PDZD2: variants seen among roughly 807,000 people sequenced by gnomAD.
PDZD2 encodes the protein PDZ domain containing 2.
Under a neutral mutation model 220.7 loss-of-function variants are expected in PDZD2, and 90 were observed. The observed-to-expected ratio is 0.41, with a 90% CI of 0.34 to 0.49. The LOEUF (loss-of-function observed/expected upper bound fraction) is 0.49, where lower values mean the gene tolerates loss of function less well. Among genes scored for constraint, PDZD2 ranks in the 20% least tolerant of loss-of-function variants. PDZD2 has a pLI of 0.28. For missense variants in PDZD2, 3,174 were observed against 3,608.5 expected (o/e 0.88, Z 3.08); for synonymous variants, 1,375 against 1,450.5 (o/e 0.95, Z 1.18).
chr5:31,722,179 A>G (rs138674929), intron 1 of PDZD2, among the ~76,000 whole-genome samples: 5 of 152,306 alleles, frequency 3.3e-5, no homozygotes, highest in East Asian at 1.9e-4. Flanking sequence ...TCTCTTTTGC[A>G]TAAAACTTTC....
In PDZD2 at chr5:32,098,354, C is replaced by T. The variant is rs558169091; in HGVS notation, c.7948-10C>T. 2 of 1,611,722 alleles carry T rather than the reference C, an allele frequency of 1.2e-6. No individual in the cohort carries two copies. Among genetic ancestry groups the T allele is most frequent in the Non-Finnish European group, 1.7e-6 (2 of 1,178,794 alleles). On this transcript the variant is annotated splice_polypyrimidine_tract_variant and intron_variant, in intron 22 of 24. Transcript: ENST00000438447. The surrounding 1 kb of genome is among the most constrained non-coding windows in gnomAD (Gnocchi z 4.1). ...CTGGTTTTTGTTCCCTTTTCCTTTC[C>T]TCATCCCAGGTCCACAGGGTGTTTT... is the stretch of plus-strand genomic sequence containing the variant.
rs548096070 is a variant in PDZD2 at position 31,977,082 on chromosome 5, G to A, written c.477-6073G>A. The stretch of plus-strand genomic sequence containing the variant: ...CATGTTGCCCAGGCTGGTCTTGAAC[G>A]CCTGGGCTCAAGCGACCCTCCTACC... On this transcript the variant is annotated intron_variant, in intron 2 of 24. Coordinates refer to ENST00000438447, the MANE Select transcript of PDZD2 (RefSeq NM_178140.4). 1.3e-3 allele frequency among the ~76,000 whole-genome samples: 198 copies of A among 150,928 alleles called. 3 individuals carry two copies. Among genetic ancestry groups the A allele is most frequent in the South Asian group, 0.011 (51 of 4,762 alleles).
chr5:31,919,210 T>C (rs752563122), intron 2 of PDZD2, among the ~76,000 whole-genome samples: 2 of 152,224 alleles, frequency 1.3e-5, no homozygotes, highest in Non-Finnish European at 2.9e-5. Flanking sequence ...CACTGTCTCT[T>C]GATTTTAGCA....
At position 31,955,018 on chromosome 5, in the gene PDZD2, T is replaced by C. The variant is rs574662880; in HGVS notation, c.477-28137T>C. On this transcript the variant is annotated intron_variant, in intron 2 of 24. Coordinates refer to ENST00000438447, the MANE Select transcript of PDZD2 (RefSeq NM_178140.4). ...GAGTGTAATCATATCCCCGCCGGGG[T>C]TGAGCACTGGAGCATCCCCAAGCCC... Among the ~76,000 whole-genome samples, 5 of 152,148 alleles carry C rather than the reference T, an allele frequency of 3.3e-5. No individual in the cohort carries two copies. In the South Asian group the frequency reaches 1.0e-3, roughly 32 times the overall value.
intron 2 of PDZD2, among the ~76,000 whole-genome samples, chr5:31,952,725 A>T (rs754665742): frequency 3.3e-5 from 5 of 152,200 alleles, no homozygotes; most frequent in Non-Finnish European, 5.9e-5. Flanking sequence ...TAAAATTCAT[A>T]TAAAAGAGGG....
At chr5:32,075,547 A>G (rs934277408) in intron 18 of PDZD2, among the ~76,000 whole-genome samples, 1 of 152,250 alleles carries the variant, frequency 6.6e-6, no homozygotes, top group African/African-American at 2.4e-5. Flanking sequence ...AGAAATTGAT[A>G]ATGTACCACA....
intron 1 of PDZD2, among the ~76,000 whole-genome samples, chr5:31,721,759 T>G (rs1033095367): frequency 6.6e-6 from 1 of 151,400 alleles, no homozygotes; most frequent in Admixed American, 6.6e-5. Flanking sequence ...AAAATGAGTC[T>G]TAGCAGTGCC....
At chr5:31,935,766 A>C (rs1448988228) in intron 2 of PDZD2, among the ~76,000 whole-genome samples, 1 of 152,190 alleles carries the variant, frequency 6.6e-6, no homozygotes, top group African/African-American at 2.4e-5. Context: ...TGTGAAGTAC[A>C]CATTTTGATA....
intron 8 of PDZD2, among the ~76,000 whole-genome samples, chr5:32,049,609 A>G (rs1738325997): frequency 1.3e-5 from 2 of 152,228 alleles, no homozygotes; most frequent in South Asian, 2.1e-4. Flanking sequence ...GTGATATGCC[A>G]GAACCTCTGT....
At chr5:31,979,659 C>T (rs965647123) in intron 2 of PDZD2, among the ~76,000 whole-genome samples, 1 of 152,050 alleles carries the variant, frequency 6.6e-6, no homozygotes, top group Admixed American at 6.6e-5. Flanking sequence ...GGATGACTTG[C>T]TCCTCTTATC....
chr5:31,789,446 C>G (rs2150218305), intron 1 of PDZD2, among the ~76,000 whole-genome samples: 1 of 152,350 alleles, frequency 6.6e-6, no homozygotes, highest in South Asian at 2.1e-4. Context: ...GAGACATACC[C>G]TTCTTTCCAT....
chr5:31,759,291 T>C (rs2150185192), intron 1 of PDZD2, among the ~76,000 whole-genome samples: 1 of 152,276 alleles, frequency 6.6e-6, no homozygotes, highest in Non-Finnish European at 1.5e-5. Flanking sequence ...CAGCTGGTAG[T>C]GCACACACAC....
chr5:31,900,110 C>T (rs941962395), intron 2 of PDZD2, among the ~76,000 whole-genome samples: 5 of 152,186 alleles, frequency 3.3e-5, no homozygotes, highest in Non-Finnish European at 7.4e-5. Flanking sequence ...ACGTAGTGAA[C>T]GGTGTCACCA....
At chr5:32,091,486 T>C (rs929352172) in intron 20 of PDZD2, among the ~76,000 whole-genome samples, 14 of 151,982 alleles carry the variant, frequency 9.2e-5, no homozygotes, top group Non-Finnish European at 1.8e-4. Context: ...GGTTTCACCA[T>C]GTTGGTCAGG....
chr5:31,886,105 G>A (rs1740445229), intron 2 of PDZD2, among the ~76,000 whole-genome samples: 1 of 152,014 alleles, frequency 6.6e-6, no homozygotes, highest in African/African-American at 2.4e-5. Flanking sequence ...CACCATGTTG[G>A]CCAGGCTGGT....
At chr5:32,026,435 G>A (rs1049863225) in intron 6 of PDZD2, among the ~76,000 whole-genome samples, 23 of 152,328 alleles carry the variant, frequency 1.5e-4, no homozygotes, top group African/African-American at 5.1e-4. Context: ...ACTGCGCCCA[G>A]CCTTGTGTAC....
chr5:31,914,307 G>A (rs918392086), intron 2 of PDZD2, among the ~76,000 whole-genome samples: 30 of 152,216 alleles, frequency 2.0e-4, no homozygotes, highest in Admixed American at 9.2e-4. Context: ...TGAGGCGGGT[G>A]GATCACGAGG....
intron 2 of PDZD2, among the ~76,000 whole-genome samples, chr5:31,867,844 C>A (rs1738368803): frequency 8.9e-6 from 1 of 112,360 alleles, no homozygotes; most frequent in Admixed American, 1.4e-4. Context: ...AACTATCAGA[C>A]AAAGGTTCAG....
At chr5:31,908,113 GAA>G (rs1742842470) in intron 2 of PDZD2, among the ~76,000 whole-genome samples, 1 of 133,886 alleles carries the variant, frequency 7.5e-6, no homozygotes, top group African/African-American at 2.9e-5. Context: ...AAAAAAGAAA[GAA>G]AAGGATCAGG....
Sources: allele counts gnomAD v4.1 joint callset (sites outside exome capture counted in the v4.1 genomes callset), GRCh38; gene constraint gnomAD v4.1.1; non-coding constraint Gnocchi (gnomAD v3.1); transcripts MANE v1.5; gene names NCBI Gene and HGNC (gene_info 2026-07-23, HGNC 2026-07-21).